ANKRD30BL: variants seen among roughly 807,000 people sequenced by gnomAD.
ANKRD30BL encodes the protein putative ankyrin repeat domain-containing protein 30B-like.
Under a neutral mutation model 18.4 loss-of-function variants are expected in ANKRD30BL, and 20 were observed. The observed-to-expected ratio is 1.09, with a 90% CI of 0.77 to 1.58. The LOEUF (loss-of-function observed/expected upper bound fraction) is 1.58, where lower values mean the gene tolerates loss of function less well. Among genes scored for constraint, ANKRD30BL ranks in the 40% most tolerant of loss-of-function variants. The pLI is 0.00. For missense variants in ANKRD30BL, 224 were observed against 268.6 expected, an observed-to-expected ratio of 0.83 and a Z score of 1.16; for synonymous variants, 72 against 100.9, an observed-to-expected ratio of 0.71 and a Z score of 1.72.
chr2:132,157,441 CT>C lies in ANKRD30BL; in HGVS notation c.219-19del. 1.6e-6 allele frequency: 1 copy of C among 624,372 alleles called. No homozygotes were observed. The highest frequency in any genetic ancestry group is 3.0e-6 in the Non-Finnish European group (1 of 336,680). The allele number at this position is 624,372 out of a possible 1,614,324, so 38.7% of individuals were successfully genotyped here. A position where few individuals can be genotyped will look rare whatever the true frequency, so the allele number is the denominator to read the frequency against. On this transcript the variant is annotated intron_variant, in intron 1 of 5. Transcript: ENST00000409867. ...GAGCAGTCCTACAAGAATGAGAGGC[CT>C]TTTAAGGAAAGTTTAGTCCACTGTC...
chr2:132,167,909 T>C (rs1688217480), intron 1 of ANKRD30BL, among the ~76,000 whole-genome samples: 1 of 152,232 alleles, frequency 6.6e-6, no homozygotes, highest in African/African-American at 2.4e-5. Context: ...ATTTCATCTG[T>C]CCACATTCTA....
At chr2:132,217,739 C>G (rs1288714519) in intron 1 of ANKRD30BL, among the ~76,000 whole-genome samples, 6 of 152,026 alleles carry the variant, frequency 3.9e-5, no homozygotes, top group African/African-American at 1.4e-4. Context: ...GTGGATATTT[C>G]AACCAGTTTG....
chr2:132,150,227 GA>G (rs1286727325), intron 5 of ANKRD30BL, among the ~76,000 whole-genome samples: 1 of 126,142 alleles, frequency 7.9e-6, no homozygotes, highest in Admixed American at 7.3e-5. Flanking sequence ...CTACAATAAA[GA>G]AACAAACAAA....
chr2:132,211,188 A>G (rs201502796), intron 1 of ANKRD30BL, among the ~76,000 whole-genome samples: 1 of 96,428 alleles, frequency 1.0e-5, no homozygotes. Flanking sequence ...TGGATATTTG[A>G]AGCGCTTTGA....
At chr2:132,225,299 C>T (rs1362726845) in intron 1 of ANKRD30BL, among the ~76,000 whole-genome samples, 3 of 151,774 alleles carry the variant, frequency 2.0e-5, no homozygotes, top group Non-Finnish European at 2.9e-5. Context: ...AGCTTTGAGG[C>T]CTATGGTGGA....
At chr2:132,171,028 C>T (rs1253987757) in intron 1 of ANKRD30BL, among the ~76,000 whole-genome samples, 1 of 151,802 alleles carries the variant, frequency 6.6e-6, no homozygotes, top group Non-Finnish European at 1.5e-5. Flanking sequence ...TGGTGGCGGG[C>T]GCCTGTAGTC....
chr2:132,198,504 C>T (rs1679023777), intron 1 of ANKRD30BL, among the ~76,000 whole-genome samples: 1 of 151,420 alleles, frequency 6.6e-6, no homozygotes, highest in African/African-American at 2.4e-5. Context: ...TTTGCATCTT[C>T]AGTAGAGACG....
At chr2:132,168,139 A>G (rs1444798838) in intron 1 of ANKRD30BL, among the ~76,000 whole-genome samples, 1 of 152,140 alleles carries the variant, frequency 6.6e-6, no homozygotes, top group South Asian at 2.1e-4. Context: ...TTTCTGAGAA[A>G]GTTTTCTATT....
Position 132,254,073 on chromosome 2 carries a change from C to A in ANKRD30BL, n.441+3456G>T, listed in dbSNP as rs79098821. On this transcript the variant is annotated intron_variant and non_coding_transcript_variant, in intron 1 of 4. Coordinates refer to the ANKRD30BL transcript ENST00000470729. ...CGAGAACCACCCCCGCGCCCACCGA[C>A]ACACACATGGGGGCCACAGCAGGGG... is the stretch of plus-strand genomic sequence containing the variant. Among the ~76,000 whole-genome samples, 52 of 147,818 alleles carry A rather than the reference C, an allele frequency of 3.5e-4. No individual in the cohort carries two copies. The East Asian group carries it at 9.6e-3, about 27-fold the overall frequency.
chr2:132,251,931 C>T (rs1184865042), intron 1 of ANKRD30BL, among the ~76,000 whole-genome samples: 2 of 152,212 alleles, frequency 1.3e-5, no homozygotes, highest in Admixed American at 6.5e-5. Context: ...TTTGTGTGAT[C>T]GTTCTCATGG....
At chr2:132,232,029 T>G (rs542123903) in intron 1 of ANKRD30BL, among the ~76,000 whole-genome samples, 2 of 152,242 alleles carry the variant, frequency 1.3e-5, no homozygotes, top group Non-Finnish European at 2.9e-5. Flanking sequence ...CCCTGACCCC[T>G]GACCCCCGAG....
chr2:132,171,215 G>A (rs560997129), intron 1 of ANKRD30BL, among the ~76,000 whole-genome samples: 1 of 151,768 alleles, frequency 6.6e-6, no homozygotes, highest in African/African-American at 2.4e-5. Flanking sequence ...AACTGAGTTA[G>A]TTATGGATTA....
intron 1 of ANKRD30BL, among the ~76,000 whole-genome samples, chr2:132,255,352 G>A (rs1452880863): frequency 6.6e-6 from 1 of 151,826 alleles, no homozygotes; most frequent in Non-Finnish European, 1.5e-5. Flanking sequence ...ATTATTCCAA[G>A]CTGCAGTATC....
chr2:132,197,371 C>G (rs1234618519), intron 1 of ANKRD30BL, among the ~76,000 whole-genome samples: 1 of 152,046 alleles, frequency 6.6e-6, no homozygotes, highest in East Asian at 1.9e-4. Context: ...ATCTATTCCT[C>G]TTGCTTATTC....
chr2:132,190,892 C>T (rs1176972322), intron 1 of ANKRD30BL, among the ~76,000 whole-genome samples: 5 of 152,056 alleles, frequency 3.3e-5, no homozygotes, highest in African/African-American at 1.2e-4. Context: ...CCAAAACATA[C>T]TATTGTAGGA....
intron 1 of ANKRD30BL, among the ~76,000 whole-genome samples, chr2:132,233,145 T>G (rs2104785245): frequency 1.3e-5 from 2 of 151,234 alleles, no homozygotes; most frequent in South Asian, 4.2e-4. Context: ...TGAGAGATTT[T>G]GTCACCACCA....
chr2:132,182,712 G>T (rs1688491774), intron 1 of ANKRD30BL, among the ~76,000 whole-genome samples: 1 of 152,026 alleles, frequency 6.6e-6, no homozygotes, highest in Non-Finnish European at 1.5e-5. Flanking sequence ...TAAAAAAATA[G>T]TAACTTTAAT....
chr2:132,250,970 G>C (rs1278753214), intron 1 of ANKRD30BL, among the ~76,000 whole-genome samples: 1 of 152,176 alleles, frequency 6.6e-6, no homozygotes, highest in African/African-American at 2.4e-5. Context: ...AATCCAAGAG[G>C]AGCTCAAGTC....
chr2:132,221,878 G>A (rs1175975460), intron 1 of ANKRD30BL, among the ~76,000 whole-genome samples: 1 of 118,040 alleles, frequency 8.5e-6, no homozygotes, highest in East Asian at 2.6e-4. Context: ...GGGGGAGTCA[G>A]CCCCCTGCCC....
Sources: gnomAD v4.1 joint callset for allele counts (sites outside exome capture counted in the v4.1 genomes callset) on GRCh38, gnomAD v4.1.1 for gene constraint, MANE v1.5 for transcripts, NCBI Gene and HGNC (gene_info 2026-07-23, HGNC 2026-07-21) for gene names.